MAN2B2: variants seen among roughly 807,000 people sequenced by gnomAD.
MAN2B2 encodes epididymis-specific alpha-mannosidase.
In MAN2B2, 106 loss-of-function variants were observed where a neutral mutation model predicts 117.1. That is an observed-to-expected ratio of 0.90 (90% CI 0.77 to 1.06). The LOEUF is 1.06. MAN2B2 is among the 50% of genes least tolerant of loss of function. The probability of loss-of-function intolerance (pLI) is 0.00; values close to 1 mark genes in which losing one functional copy is unlikely to be tolerated. For missense variants in MAN2B2, 1,326 were observed against 1,381.4 expected (o/e 0.96, Z 0.64); for synonymous variants, 544 against 595.1 (o/e 0.91, Z 1.25).
rs1255683573 is a variant in MAN2B2 at position 6,597,243 on chromosome 4, G to A, written c.1188G>A (p.Gly396=). 1 of 1,602,596 alleles carries A rather than the reference G, an allele frequency of 6.2e-7. No individual in the cohort carries two copies. The highest frequency in any genetic ancestry group is 1.3e-5 in the African/African-American group (1 of 74,706). ...GCTACCTGTGGCCGGCCCCCCGTGG[G>A]CATCTGGACCCCACCTGGGCCCTGC... The part of the protein sequence containing the change: ...FTRYLWPAPR[G]HLDPTWALQQ... Residue 396 remains glycine, a synonymous_variant, in exon 8 of 19, where the codon GGG becomes GGA. Transcript: ENST00000285599.
chr4:6,612,024 T>C (rs894985157), intron 15 of MAN2B2, among the ~76,000 whole-genome samples: 2 of 152,240 alleles, frequency 1.3e-5, no homozygotes, highest in African/African-American at 4.8e-5. Flanking sequence ...AAGACCTAGA[T>C]ACAATTTGCT....
At chr4:6,589,325 C>T (rs914071991) in intron 5 of MAN2B2, among the ~76,000 whole-genome samples, 165 bp downstream of exon 5, 1 of 152,200 alleles carries the variant, frequency 6.6e-6, no homozygotes. Flanking sequence ...ACTGCAACCT[C>T]CGCCTCCTGG....
chr4:6,579,675 A>C (rs914770054), intron 3 of MAN2B2, among the ~76,000 whole-genome samples: 2 of 149,438 alleles, frequency 1.3e-5, no homozygotes, highest in Non-Finnish European at 3.0e-5. Context: ...CACCATGATC[A>C]CCACCCATCA....
At chr4:6,604,385 G>A (rs1727448278) in intron 10 of MAN2B2, among the ~76,000 whole-genome samples, 1 of 151,792 alleles carries the variant, frequency 6.6e-6, no homozygotes, top group Non-Finnish European at 1.5e-5. Flanking sequence ...ACCAGGCAGA[G>A]GCCACAGGGA....
Position 6,585,081 on chromosome 4 carries a change from C to T in MAN2B2, c.392-1915C>T, listed in dbSNP as rs559635670. On this transcript the variant is annotated intron_variant, in intron 3 of 18. Coordinates refer to ENST00000285599, the MANE Select transcript of MAN2B2 (RefSeq NM_015274.3). ...TCTGGCTGCTCCTTCTCCATCCTCT[C>T]TGCTTACATATGCACAGCCTCCACC... Among the ~76,000 whole-genome samples the T allele has an allele frequency of 7.2e-5, 11 of 152,218 alleles. No homozygotes were observed. The South Asian group carries it at 2.1e-3, about 29-fold the overall frequency.
At chr4:6,578,566 A>T in intron 3 of MAN2B2, 68 bp downstream of exon 3, 1 of 1,339,168 alleles carries the variant, frequency 7.5e-7, no homozygotes, top group Non-Finnish European at 1.1e-6. Context: ...ATGGTATCAG[A>T]ACCCCCAGGT....
At chr4:6,607,145 T>C (rs1200583884) in intron 11 of MAN2B2, among the ~76,000 whole-genome samples, 4 of 152,220 alleles carry the variant, frequency 2.6e-5, no homozygotes, top group Non-Finnish European at 5.9e-5. Flanking sequence ...TACCTGTTCA[T>C]ACAATATGTG....
At position 6,614,327 on chromosome 4, in the gene MAN2B2, C is replaced by A. The variant is rs1424382017; in HGVS notation, c.2673C>A (p.His891Gln). The change falls in exon 16 of 19, where the codon CAC becomes CAA. Residue 891 changes from histidine (H) to glutamine (Q), a missense_variant. By Grantham distance (24) the His-to-Gln change is conservative. Coordinates refer to ENST00000285599, the MANE Select transcript of MAN2B2 (RefSeq NM_015274.3). ...SIPGWRYSSN[H>Q]TEHSQNLRKG... ...CTGGCTGGCGCTACAGCTCCAACCA[C>A]ACGGAGCACTCTCAGAATCTCCGGA... The A allele has an allele frequency of 6.2e-7, 1 of 1,614,020 alleles. No homozygotes were observed. The highest frequency in any genetic ancestry group is 8.5e-7 in the Non-Finnish European group (1 of 1,180,008).
At chr4:6,589,203 G>A (rs748807411) in intron 5 of MAN2B2, 43 bp downstream of exon 5, 1 of 1,435,302 alleles carries the variant, frequency 7.0e-7, no homozygotes, top group East Asian at 2.3e-5. Flanking sequence ...CAGACAGCAG[G>A]GTCTGCCCAG....
intron 5 of MAN2B2, among the ~76,000 whole-genome samples, chr4:6,589,962 G>A (rs541951362): frequency 9.9e-5 from 15 of 152,204 alleles, no homozygotes; most frequent in Non-Finnish European, 1.5e-4. Context: ...AGATGCTTAG[G>A]AGGTTGAGGC....
chr4:6,602,141 C>G (rs1437131153), intron 10 of MAN2B2, among the ~76,000 whole-genome samples: 1 of 152,238 alleles, frequency 6.6e-6, no homozygotes, highest in Non-Finnish European at 1.5e-5. Context: ...TCAAGCACCA[C>G]CAGCCGTGAG....
At chr4:6,616,919 C>T (rs985552857) in intron 16 of MAN2B2, among the ~76,000 whole-genome samples, 1 of 152,158 alleles carries the variant, frequency 6.6e-6, no homozygotes, top group Non-Finnish European at 1.5e-5. Context: ...AGTCTGTTCT[C>T]ATGCTGCTCA....
intron 7 of MAN2B2, among the ~76,000 whole-genome samples, chr4:6,596,397 G>T (rs930204012): frequency 6.6e-6 from 1 of 152,188 alleles, no homozygotes; most frequent in Admixed American, 6.5e-5. Context: ...ACCAGTGGGG[G>T]AAGAACAGGG....
At chr4:6,598,983 G>A (rs115009201) in intron 9 of MAN2B2, among the ~76,000 whole-genome samples, 109 of 152,368 alleles carry the variant, frequency 7.2e-4, no homozygotes, top group African/African-American at 2.5e-3. Context: ...TCCAAACTGG[G>A]AAGATCCTGG....
At chr4:6,577,060 CTT>C (rs1726092021) in intron 2 of MAN2B2, among the ~76,000 whole-genome samples, 1 of 152,220 alleles carries the variant, frequency 6.6e-6, no homozygotes, top group Non-Finnish European at 1.5e-5. Context: ...CCCTCACCCT[CTT>C]CTCTCATTTG....
chr4:6,609,715 G>T, intron 12 of MAN2B2, 83 bp from the exon 13 acceptor site: 8 of 1,289,484 alleles, frequency 6.2e-6, no homozygotes, highest in East Asian at 2.4e-5. Flanking sequence ...TGCCCACCCT[G>T]CCCACATGAA....
At chr4:6,617,312 G>T (rs1711929065) in intron 16 of MAN2B2, 68 bp from the exon 17 acceptor site, 1 of 1,208,502 alleles carries the variant, frequency 8.3e-7, no homozygotes, top group Non-Finnish European at 1.2e-6. Flanking sequence ...AAAGCAGCGG[G>T]TATAGACCAG....
At chr4:6,613,893 A>G (rs1711718881) in intron 15 of MAN2B2, among the ~76,000 whole-genome samples, 1 of 152,052 alleles carries the variant, frequency 6.6e-6, no homozygotes, top group African/African-American at 2.4e-5. Flanking sequence ...GAGAGAGGAG[A>G]GGGCTGTGCC....
intron 5 of MAN2B2, among the ~76,000 whole-genome samples, chr4:6,590,646 C>T (rs983584277): frequency 1.3e-5 from 2 of 152,174 alleles, no homozygotes; most frequent in African/African-American, 4.8e-5. Context: ...GCCTCTATCC[C>T]GCCTGGGCCT....
Sources: gnomAD v4.1 joint callset for allele counts (sites outside exome capture counted in the v4.1 genomes callset) on GRCh38, gnomAD v4.1.1 for gene constraint, MANE v1.5 for transcripts, NCBI Gene and HGNC (gene_info 2026-07-23, HGNC 2026-07-21) for gene names.